NCAM1: variants seen among roughly 807,000 people sequenced by gnomAD.
NCAM1 encodes the protein neural cell adhesion molecule 1, also known as antigen recognized by monoclonal antibody 5.1H11.
Under a neutral mutation model 109.8 loss-of-function variants are expected in NCAM1, and 14 were observed. The ratio of observed to expected loss-of-function variants is 0.13; its 90% CI spans 0.08 to 0.20. The LOEUF (loss-of-function observed/expected upper bound fraction) is 0.20, where lower values mean the gene tolerates loss of function less well. Ranked by LOEUF, NCAM1 falls within the 10% of genes least tolerant of loss-of-function variation. The pLI, the probability that NCAM1 is intolerant of heterozygous loss-of-function variation, is 1.00. For missense variants in NCAM1, 774 were observed against 1,109.9 expected (o/e 0.70, Z 4.30); for synonymous variants, 418 against 442.9 (o/e 0.94, Z 0.70).
At chr11:113,260,037 C>A in intron 16 of NCAM1, 109 bp from the exon 17 acceptor site, 1 of 986,510 alleles carries the variant, frequency 1.0e-6, no homozygotes, top group Non-Finnish European at 1.5e-6. Flanking sequence ...TGATTTCATG[C>A]CAAAAGTTAT....
At chr11:112,980,886 T>C (rs1951136932) in intron 1 of NCAM1, among the ~76,000 whole-genome samples, 1 of 151,846 alleles carries the variant, frequency 6.6e-6, no homozygotes, top group South Asian at 2.1e-4. Flanking sequence ...AAAGAACTAT[T>C]GAATGTGAGC....
At chr11:113,108,781 G>T (rs12272463) in intron 1 of NCAM1, among the ~76,000 whole-genome samples, 48 of 139,494 alleles carry the variant, frequency 3.4e-4, no homozygotes, top group East Asian at 1.1e-3. Context: ...GTTTTTTTTT[G>T]TTTTTTTTTT....
intron 11 of NCAM1, 22 bp downstream of exon 11, chr11:113,232,376 A>G: frequency 6.3e-7 from 1 of 1,586,676 alleles, no homozygotes; most frequent in Non-Finnish European, 8.6e-7. Flanking sequence ...TGGGGGTGGG[A>G]CAGAGCAGAG....
chr11:113,144,636 T>G (rs1258926362), intron 1 of NCAM1, among the ~76,000 whole-genome samples: 1 of 152,210 alleles, frequency 6.6e-6, no homozygotes, highest in Non-Finnish European at 1.5e-5. Context: ...CAATGTTATG[T>G]TGGATTTTAA....
chr11:113,151,795 A>T (rs1396641847), intron 1 of NCAM1, among the ~76,000 whole-genome samples: 1 of 152,242 alleles, frequency 6.6e-6, no homozygotes, highest in African/African-American at 2.4e-5. Context: ...CATCGGTTAT[A>T]GTGGTCTGTT....
Position 113,273,458 on chromosome 11 carries a change from C to T in NCAM1, c.2456+1582C>T. 1 of 335,964 alleles carries T rather than the reference C, an allele frequency of 3.0e-6. No individual in the cohort carries two copies. The highest frequency in any genetic ancestry group is 2.2e-5 in the South Asian group (1 of 44,968). 20.8% of individuals were successfully genotyped at this position (335,964 alleles called of 1,614,324 possible). The stretch of plus-strand genomic sequence containing the variant: ...AGCAGGAGGCTCCCAGCACCAAAGG[C>T]CCGGACCCGGAGCCCACCCAGCCCG... On this transcript the variant is annotated intron_variant, in intron 19 of 19. Transcript: ENST00000316851. The surrounding 1 kb of genome is among the most constrained non-coding windows in gnomAD (Gnocchi z 6.0).
intron 17 of NCAM1, among the ~76,000 whole-genome samples, chr11:113,267,616 A>G (rs1555124580): frequency 6.6e-6 from 1 of 152,176 alleles, no homozygotes; most frequent in African/African-American, 2.4e-5. Flanking sequence ...GAGGCCCAAC[A>G]GAGGAGTGGG....
intron 1 of NCAM1, among the ~76,000 whole-genome samples, chr11:113,045,383 C>T (rs770359246): frequency 1.7e-4 from 26 of 152,048 alleles, no homozygotes; most frequent in Non-Finnish European, 2.1e-4. Context: ...TTCGGCAGCT[C>T]GGCAGGTGAG....
At chr11:112,977,317 TGTAA>T (rs1423979064) in intron 1 of NCAM1, 18 of 151,880 alleles carry the variant, frequency 1.2e-4, no homozygotes. Context: ...TAAGCATATG[TGTAA>T]GTGAGATGGA....
intron 15 of NCAM1, among the ~76,000 whole-genome samples, chr11:113,252,241 C>A (rs1945700825): frequency 6.6e-6 from 1 of 151,940 alleles, no homozygotes; most frequent in African/African-American, 2.4e-5. Flanking sequence ...CAGTGAGACC[C>A]CATCTCTACA....
intron 1 of NCAM1, chr11:113,197,221 G>T (rs1052164119): frequency 1.6e-5 from 4 of 252,514 alleles, no homozygotes; most frequent in Admixed American, 7.4e-5. Context: ...ATTTGGGTGG[G>T]GACACAGAGC....
chr11:113,112,175 T>C (rs1940476059), intron 1 of NCAM1, among the ~76,000 whole-genome samples: 2 of 152,220 alleles, frequency 1.3e-5, no homozygotes, highest in Non-Finnish European at 1.5e-5. Flanking sequence ...GACCAACCTG[T>C]GTAAGTGAGC....
rs147109663 is a variant in NCAM1, at chr11:113,167,255, T to C, written c.53-35124T>C. On this transcript the variant is annotated intron_variant, in intron 1 of 19. Coordinates refer to ENST00000316851, the MANE Select transcript of NCAM1 (RefSeq NM_181351.5). ...GGAAAAGACTCAAATGTCCTTTGTA[T>C]GTATATATATCTTTCTAAGCTTCAT... Among the ~76,000 whole-genome samples the C allele has an allele frequency of 3.9e-3, 597 of 152,308 alleles. 7 individuals carry two copies. Among genetic ancestry groups the C allele is most frequent in the African/African-American group, 0.014 (572 of 41,560 alleles).
intron 1 of NCAM1, among the ~76,000 whole-genome samples, chr11:113,110,298 G>T (rs548084271): frequency 6.6e-6 from 1 of 152,252 alleles, no homozygotes; most frequent in South Asian, 2.1e-4. Context: ...AGATAAAGGT[G>T]GATCATATTT....
chr11:113,243,175 C>T (rs17115259), intron 14 of NCAM1, among the ~76,000 whole-genome samples: 3,586 of 152,338 alleles, frequency 0.024, 149 homozygotes, highest in African/African-American at 0.082. Context: ...TCCCGGCTTT[C>T]GCTTTGCTGT....
intron 15 of NCAM1, among the ~76,000 whole-genome samples, chr11:113,249,040 C>A (rs1945583004): frequency 6.6e-6 from 1 of 152,168 alleles, no homozygotes; most frequent in Non-Finnish European, 1.5e-5. Flanking sequence ...AGATGAGAAG[C>A]CCCCTGCACC....
At chr11:113,264,235 T>C (rs984411008) in intron 17 of NCAM1, 3 of 985,128 alleles carry the variant, frequency 3.0e-6, no homozygotes, top group Admixed American at 6.1e-5. Flanking sequence ...GGTTTCTTTA[T>C]GTATTTTTTT....
chr11:113,093,818 G>T (rs891683925), intron 1 of NCAM1, among the ~76,000 whole-genome samples: 2 of 152,190 alleles, frequency 1.3e-5, no homozygotes, highest in Admixed American at 1.3e-4. Context: ...CTGCAGACTG[G>T]TGGAAGCACT....
intron 1 of NCAM1, among the ~76,000 whole-genome samples, chr11:113,043,173 G>A (rs909464950): frequency 6.6e-6 from 1 of 151,942 alleles, no homozygotes; most frequent in Non-Finnish European, 1.5e-5. Flanking sequence ...AGATCAGGGA[G>A]GGGGGCTGTA....
Sources: gnomAD v4.1 joint callset for allele counts (sites outside exome capture counted in the v4.1 genomes callset) on GRCh38, gnomAD v4.1.1 for gene constraint, Gnocchi (gnomAD v3.1) non-coding constraint, MANE v1.5 for transcripts, NCBI Gene and HGNC (gene_info 2026-07-23, HGNC 2026-07-21) for gene names.